The following NRXN1 variants were observed in gnomAD, a reference collection of about 807,000 sequenced individuals.
NRXN1 encodes neurexin 1, also known as neurexin-1.
In NRXN1, 39 loss-of-function variants were observed where a neutral mutation model predicts 150.9. That is an observed-to-expected ratio of 0.26 (90% CI 0.20 to 0.34). The LOEUF (loss-of-function observed/expected upper bound fraction) is 0.34. NRXN1 is among the 10% of genes least tolerant of loss of function. The pLI is 1.00. For synonymous variants in NRXN1, 924 were observed against 757.0 expected, an observed-to-expected ratio of 1.22 and a Z score of -3.62; for missense variants, 1,815 against 1,949.9, an observed-to-expected ratio of 0.93 and a Z score of 1.30.
At chr2:50,944,979 A>C (rs1690099446) in intron 2 of NRXN1, among the ~76,000 whole-genome samples, 1 of 152,200 alleles carries the variant, frequency 6.6e-6, no homozygotes, top group South Asian at 2.1e-4. Context: ...ACCATTACAT[A>C]CTATAAACTC....
At chr2:50,112,429 G>A (rs922772513) in intron 18 of NRXN1, among the ~76,000 whole-genome samples, 4 of 152,264 alleles carry the variant, frequency 2.6e-5, no homozygotes, top group Admixed American at 1.3e-4. Context: ...AGCCTTCTCC[G>A]GTAGACAGAG....
chr2:50,214,491 C>T (rs1161086242), intron 18 of NRXN1, among the ~76,000 whole-genome samples: 1 of 151,876 alleles, frequency 6.6e-6, no homozygotes, highest in Non-Finnish European at 1.5e-5. Context: ...CAGGTAGAGA[C>T]TGATGTCAAC....
chr2:50,165,750 A>C (rs1163931436), intron 18 of NRXN1, among the ~76,000 whole-genome samples: 1 of 152,204 alleles, frequency 6.6e-6, no homozygotes, highest in Non-Finnish European at 1.5e-5. Context: ...TGATGAACAA[A>C]TCGGACAATA....
In NRXN1 at chr2:51,028,568, A is replaced by G. The variant is rs1220653055; in HGVS notation, c.-295T>C. The G allele has an allele frequency of 2.1e-5, 7 of 341,360 alleles. No individual in the cohort carries two copies. The highest frequency in any genetic ancestry group is 3.7e-5 in the Non-Finnish European group (7 of 189,426). The allele number at this position is 341,360 out of a possible 1,614,324, so 21.1% of individuals were successfully genotyped here. On this transcript the variant is annotated 5_prime_UTR_variant, in exon 2 of 23. Transcript: ENST00000401669. ...GCACTTTGGAGACAACGTTCTGGAA[A>G]AGGCTTCAACAAAAGATCAAGGGAA... is the stretch of plus-strand genomic sequence containing the variant.
chr2:49,921,071 C>A lies in NRXN1; in HGVS notation c.*873G>T, dbSNP rs1353840640. ...TCATAAAACTCCCTATACTTAGCAACACTTATAACATTGAATTTACCAAAA... is the reference window on the plus strand; with the variant it reads ...TCATAAAACTCCCTATACTTAGCAAAACTTATAACATTGAATTTACCAAAA... On this transcript the variant is annotated 3_prime_UTR_variant, in exon 23 of 23. Transcript: ENST00000401669. 6.6e-6 allele frequency: 1 copy of A among 152,430 alleles called. No individual in the cohort carries two copies. Among genetic ancestry groups the A allele is most frequent in the Non-Finnish European group, 1.5e-5 (1 of 68,014 alleles). The allele number at this position is 152,430 out of a possible 1,614,324, so 9.4% of individuals were successfully genotyped here. A position where few individuals can be genotyped will look rare whatever the true frequency, so the allele number is the denominator to read the frequency against.
intron 8 of NRXN1, among the ~76,000 whole-genome samples, chr2:50,575,519 T>C (rs1196657203): frequency 2.6e-5 from 4 of 152,220 alleles, no homozygotes; most frequent in African/African-American, 9.6e-5. Context: ...TCTGTATTGC[T>C]ATAGTTATGT....
chr2:50,406,091 T>C (rs1338222973), intron 17 of NRXN1, among the ~76,000 whole-genome samples: 1 of 152,078 alleles, frequency 6.6e-6, no homozygotes, highest in Non-Finnish European at 1.5e-5. Flanking sequence ...TTAATTCTCC[T>C]CCTCTGATAC....
intron 5 of NRXN1, among the ~76,000 whole-genome samples, chr2:50,751,788 A>G (rs2105332773): frequency 6.6e-6 from 1 of 152,136 alleles, no homozygotes; most frequent in Non-Finnish European, 1.5e-5. Context: ...TTTCCAGACT[A>G]AAGATAAACT....
intron 21 of NRXN1, among the ~76,000 whole-genome samples, chr2:50,005,543 C>G (rs1248679717): frequency 6.6e-6 from 1 of 152,100 alleles, no homozygotes; most frequent in Non-Finnish European, 1.5e-5. Context: ...TGGAATGTAT[C>G]ATCTACTTTT....
At chr2:50,650,132 A>C (rs990165968) in intron 5 of NRXN1, among the ~76,000 whole-genome samples, 1 of 152,058 alleles carries the variant, frequency 6.6e-6, no homozygotes, top group Non-Finnish European at 1.5e-5. Context: ...GTCTGTTCTG[A>C]TAATAATGTA....
chr2:50,000,308 T>C (rs946718649), intron 21 of NRXN1, among the ~76,000 whole-genome samples: 14 of 152,170 alleles, frequency 9.2e-5, no homozygotes, highest in Non-Finnish European at 1.5e-4. Context: ...AAAGCCCCAA[T>C]TTCCATTAAA....
rs146320414 is a variant in NRXN1 at position 49,974,645 on chromosome 2, T to C, written c.4129-30854A>G. 6.6e-5 allele frequency among the ~76,000 whole-genome samples: 10 copies of C among 152,328 alleles called. No homozygotes were observed. In the East Asian group the frequency reaches 9.6e-4, roughly 15 times the overall value. On this transcript the variant is annotated intron_variant, in intron 21 of 22. Coordinates refer to ENST00000401669, the MANE Select transcript of NRXN1 (RefSeq NM_001330078.2). ...AGCCTTGTAATTGTAATTACAATTT[T>C]ATTTGTAAGTTAATGAATGACATTT... is the stretch of plus-strand genomic sequence containing the variant.
At chr2:50,056,116 C>T (rs954333905) in intron 19 of NRXN1, among the ~76,000 whole-genome samples, 1 of 152,152 alleles carries the variant, frequency 6.6e-6, no homozygotes, top group Non-Finnish European at 1.5e-5. Context: ...TAAGCCAAGA[C>T]ATTTTGGCAT....
At chr2:50,180,107 G>A (rs2060606571) in intron 18 of NRXN1, among the ~76,000 whole-genome samples, 1 of 151,922 alleles carries the variant, frequency 6.6e-6, no homozygotes, top group Non-Finnish European at 1.5e-5. Context: ...CTGTAGCCTT[G>A]AACTCCTGGG....
rs1392709085 is a variant in NRXN1 at position 50,479,780 on chromosome 2, T to TC, written c.3071-7310_3071-7309insG. On this transcript the variant is annotated intron_variant, in intron 15 of 22. Coordinates refer to ENST00000401669, the MANE Select transcript of NRXN1 (RefSeq NM_001330078.2). ...CCATTTCTTTTTCTTTTTTTTTTTT[T>TC]TTTTTTTTTTTGAGATGGAGTCTTG... Among the ~76,000 whole-genome samples, 189 of 134,956 alleles carry TC rather than the reference T, an allele frequency of 1.4e-3. 1 individual carries two copies. The highest frequency in any genetic ancestry group is 5.0e-3 in the African/African-American group (181 of 35,854). 88.5% of individuals were successfully genotyped at this position (134,956 alleles called of 152,430 possible). A position where few individuals can be genotyped will look rare whatever the true frequency, so the allele number is the denominator to read the frequency against.
intron 21 of NRXN1, among the ~76,000 whole-genome samples, chr2:50,042,163 A>G (rs954383252): frequency 5.3e-5 from 8 of 152,176 alleles, no homozygotes; most frequent in African/African-American, 1.7e-4. Flanking sequence ...TGTTATATAT[A>G]CCATCTTTAT....
At chr2:50,780,244 T>C (rs917675964) in intron 5 of NRXN1, among the ~76,000 whole-genome samples, 10 of 152,214 alleles carry the variant, frequency 6.6e-5, no homozygotes, top group Non-Finnish European at 1.5e-4. Flanking sequence ...TTCTAGGTAT[T>C]AGCCCTTTGT....
At chr2:49,945,272 T>C (rs1362295301) in intron 21 of NRXN1, 5 of 152,166 alleles carry the variant, frequency 3.3e-5, no homozygotes, top group South Asian at 2.1e-4. Flanking sequence ...TTTTTAACTG[T>C]TGAATTTATT....
intron 12 of NRXN1, 190 bp from the exon 13 acceptor site, chr2:50,506,807 C>A: frequency 6.9e-6 from 4 of 581,896 alleles, no homozygotes; most frequent in Non-Finnish European, 1.2e-5. Flanking sequence ...AATTTTCAAG[C>A]CCATTAGAGT....
Sources: gnomAD v4.1 joint callset for allele counts (sites outside exome capture counted in the v4.1 genomes callset) on GRCh38, gnomAD v4.1.1 for gene constraint, MANE v1.5 for transcripts, NCBI Gene and HGNC (gene_info 2026-07-23, HGNC 2026-07-21) for gene names.